Variants in KAT14 observed in about 807,000 individuals in gnomAD.
KAT14 encodes the protein lysine acetyltransferase 14.
In KAT14, 66 loss-of-function variants were observed where a neutral mutation model predicts 78.4. The observed-to-expected ratio is 0.84, with a 90% confidence interval of 0.69 to 1.03. The LOEUF (loss-of-function observed/expected upper bound fraction) is 1.03. Among genes scored for constraint, KAT14 ranks in the 50% least tolerant of loss-of-function variants. The pLI, the probability that KAT14 is intolerant of heterozygous loss-of-function variation, is 0.00. For missense variants in KAT14, 870 were observed against 972.5 expected, an observed-to-expected ratio of 0.89 and a Z score of 1.40; for synonymous variants, 344 against 359.4, an observed-to-expected ratio of 0.96 and a Z score of 0.48.
intron 7 of KAT14, among the ~76,000 whole-genome samples, 183 bp downstream of exon 7, chr20:18,163,128 T>C (rs756809771): frequency 1.3e-5 from 2 of 152,234 alleles, no homozygotes; most frequent in Admixed American, 6.5e-5. Flanking sequence ...GAATTGTTCA[T>C]TGTAAGTACA....
chr20:18,141,682 G>A (rs1465539264), intron 1 of KAT14, among the ~76,000 whole-genome samples: 2 of 152,260 alleles, frequency 1.3e-5, no homozygotes, highest in African/African-American at 4.8e-5. Context: ...TCAGGAGTTC[G>A]AGACCAGCTT....
At chr20:18,156,033 A>G (rs982319429) in intron 4 of KAT14, among the ~76,000 whole-genome samples, 2 of 152,224 alleles carry the variant, frequency 1.3e-5, no homozygotes, top group Admixed American at 6.5e-5. Flanking sequence ...TGGCATATAC[A>G]TACAGTGGAT....
At chr20:18,181,989 T>G in intron 8 of KAT14, 143 bp downstream of exon 8, 1 of 1,264,154 alleles carries the variant, frequency 7.9e-7, no homozygotes, top group East Asian at 2.5e-5. Context: ...GTGCTTCACC[T>G]CCAGTTTTGT....
intron 7 of KAT14, among the ~76,000 whole-genome samples, chr20:18,164,861 G>C (rs545164000): frequency 7.9e-5 from 12 of 151,852 alleles, no homozygotes; most frequent in Admixed American, 6.6e-4. Context: ...TCCTGGGCTC[G>C]AGTGATCGCC....
rs535177493 is a variant in KAT14 at position 18,181,765 on chromosome 20, G to A, written c.1724G>A (p.Arg575His). ...FRHQTTKFLY[R>H]LVGSEDMAVD... Reference sequence around the variant, plus strand: ...CACCAGACCACCAAGTTTTTGTATCGCTTGGTAGGATCAGAAGATATGGCT... The same window carrying A: ...CACCAGACCACCAAGTTTTTGTATCACTTGGTAGGATCAGAAGATATGGCT... The change falls in exon 8 of 11, where the codon CGC becomes CAC. Residue 575 changes from arginine to histidine, a missense_variant. Transcript: ENST00000688188. 1.1e-5 allele frequency: 18 copies of A among 1,614,160 alleles called. No homozygotes were observed. Among genetic ancestry groups the A allele is most frequent in the African/African-American group, 4.0e-5 (3 of 75,032 alleles).
chr20:18,155,878 T>G (rs2038208232), intron 4 of KAT14, among the ~76,000 whole-genome samples: 1 of 152,142 alleles, frequency 6.6e-6, no homozygotes, highest in African/African-American at 2.4e-5. Context: ...TCTGGCAATT[T>G]CACTTCTGGG....
chr20:18,143,134 T>C (rs1050465391), intron 2 of KAT14: 12 of 1,293,630 alleles, frequency 9.3e-6, no homozygotes, highest in Non-Finnish European at 1.2e-5. Flanking sequence ...ATTAACACTT[T>C]TGGTGGTAAC....
rs1568669495 is a variant in KAT14, at chr20:18,164,611, C to CTTTTTTTTTTT, written c.1668+1668_1668+1669insTTTTTTTTTTT. Among the ~76,000 whole-genome samples the CTTTTTTTTTTT allele has an allele frequency of 4.7e-5, 2 of 42,492 alleles. 1 individual carries two copies. Among genetic ancestry groups the CTTTTTTTTTTT allele is most frequent in the Non-Finnish European group, 1.1e-4 (2 of 17,942 alleles). 27.9% of individuals were successfully genotyped at this position (42,492 alleles called of 152,430 possible). On this transcript the variant is annotated intron_variant, in intron 7 of 10. Transcript: ENST00000688188. ...TTTGTTAGTCATCTATTCACTTGTTCTTGTTCTTTTTTTTTTTTTTTTTGA... is the reference window on the plus strand; with the variant it reads ...TTTGTTAGTCATCTATTCACTTGTTCTTTTTTTTTTTTTGTTCTTTTTTTTTTTTTTTTTGA...
chr20:18,145,594 A>C (rs2037796817), intron 3 of KAT14, among the ~76,000 whole-genome samples: 1 of 152,216 alleles, frequency 6.6e-6, no homozygotes. Context: ...CAGCCTGGCC[A>C]ACATGGTGAA....
chr20:18,140,818 CA>C (rs1157203058), intron 1 of KAT14, among the ~76,000 whole-genome samples: 1,106 of 79,032 alleles, frequency 0.014, 13 homozygotes, highest in African/African-American at 0.048. Flanking sequence ...GACTCCTTCT[CA>C]AAAAAAAAAA....
At chr20:18,151,880 A>G (rs1007410108) in intron 4 of KAT14, among the ~76,000 whole-genome samples, 2 of 151,132 alleles carry the variant, frequency 1.3e-5, no homozygotes, top group African/African-American at 2.4e-5. Flanking sequence ...GCAGGCAACT[A>G]TAATCCCAGC....
rs1438507961 is a variant in KAT14 at position 18,181,731 on chromosome 20, G to C, written c.1690G>C (p.Gly564Arg). 1.2e-6 allele frequency: 2 copies of C among 1,614,100 alleles called. No individual in the cohort carries two copies. The highest frequency in any genetic ancestry group is 2.7e-5 in the African/African-American group (2 of 75,012). The change falls in exon 8 of 11, where the codon GGA becomes CGA. Residue 564 changes from glycine to arginine, a missense_variant. Coordinates refer to ENST00000688188, the MANE Select transcript of KAT14 (RefSeq NM_001392073.1). ...ATAGACTTCCTTGCCGTCCAGGAAG[G>C]GATTTCGACACCAGACCACCAAGTT... ...RYQTSLPSRK[G>R]FRHQTTKFLY...
At chr20:18,187,205 C>T (rs2039476634) in intron 10 of KAT14, 81 bp from the exon 11 acceptor site, 1 of 1,499,630 alleles carries the variant, frequency 6.7e-7, no homozygotes. Flanking sequence ...TAACTGCCTA[C>T]ACTTAAAAGC....
intron 3 of KAT14, among the ~76,000 whole-genome samples, chr20:18,146,315 G>T (rs1227245361): frequency 6.6e-6 from 1 of 151,994 alleles, no homozygotes; most frequent in African/African-American, 2.4e-5. Flanking sequence ...GAGGCGGCCA[G>T]ATCACCTGAG....
chr20:18,145,538 T>C (rs1384394435), intron 3 of KAT14, among the ~76,000 whole-genome samples, 187 bp downstream of exon 3: 1 of 152,224 alleles, frequency 6.6e-6, no homozygotes, highest in Non-Finnish European at 1.5e-5. Context: ...CCCAGCACTC[T>C]GGGAGGCCAA....
intron 7 of KAT14, among the ~76,000 whole-genome samples, chr20:18,176,297 T>C (rs1200060950): frequency 1.5e-5 from 1 of 65,370 alleles, no homozygotes; most frequent in Non-Finnish European, 3.1e-5. Context: ...TGAGACTTCG[T>C]CTCAAAAAAA....
At chr20:18,173,881 A>G (rs2038941864) in intron 7 of KAT14, among the ~76,000 whole-genome samples, 1 of 152,214 alleles carries the variant, frequency 6.6e-6, no homozygotes, top group South Asian at 2.1e-4. Flanking sequence ...TAAAGTGTAC[A>G]GTTGACGGGT....
At chr20:18,176,300 C>CAAA (rs11484238) in intron 7 of KAT14, among the ~76,000 whole-genome samples, 1,981 of 111,392 alleles carry the variant, frequency 0.018, 90 homozygotes, top group Non-Finnish European at 0.028. Flanking sequence ...GACTTCGTCT[C>CAAA]AAAAAAAAAA....
In KAT14 at chr20:18,159,091, A is replaced by C. The variant is rs1236393452; in HGVS notation, c.508A>C (p.Thr170Pro). Reference protein sequence around the residue: ...WTFLLGNRKKTSTWWSTVAGC... With the variant: ...WTFLLGNRKKPSTWWSTVAGC... ...AATTCTTGGACTCTTTAGGAAAAAG[A>C]CGTCTACCTGGTGGAGCACCGTGGC... Residue 170 changes from threonine to proline, a missense_variant, in exon 5 of 11, where the codon ACG becomes CCG. By Grantham distance (38) the Thr-to-Pro change is conservative. Coordinates refer to ENST00000688188, the MANE Select transcript of KAT14 (RefSeq NM_001392073.1). 6.3e-7 allele frequency: 1 copy of C among 1,595,518 alleles called. No individual in the cohort carries two copies.
Sources: gnomAD v4.1 joint callset for allele counts (sites outside exome capture counted in the v4.1 genomes callset) on GRCh38, gnomAD v4.1.1 for gene constraint, MANE v1.5 for transcripts, NCBI Gene and HGNC (gene_info 2026-07-23, HGNC 2026-07-21) for gene names.